PCLO: variants seen among roughly 807,000 people sequenced by gnomAD.
The protein encoded by PCLO is piccolo presynaptic cytomatrix protein.
A neutral mutation model predicts 427.5 loss-of-function variants in PCLO; 82 were observed. That is an observed-to-expected ratio of 0.19 (90% CI 0.16 to 0.23). The LOEUF is 0.23. Ranked by LOEUF, PCLO falls within the 10% of genes least tolerant of loss-of-function variation. The pLI is 1.00. For synonymous variants in PCLO, 2,357 were observed against 2,155.4 expected, an observed-to-expected ratio of 1.09 and a Z score of -2.59; for missense variants, 6,239 against 6,115.9, an observed-to-expected ratio of 1.02 and a Z score of -0.67.
chr7:82,940,684 C>G (rs1398285234), intron 6 of PCLO, among the ~76,000 whole-genome samples: 1 of 106,754 alleles, frequency 9.4e-6, no homozygotes, highest in East Asian at 5.1e-4. Flanking sequence ...ATTAGAAGTA[C>G]TCCTTTTTTT....
chr7:82,973,714 A>G (rs895682485), intron 3 of PCLO, among the ~76,000 whole-genome samples: 2 of 152,056 alleles, frequency 1.3e-5, no homozygotes, highest in Non-Finnish European at 2.9e-5. Flanking sequence ...GCAGATTAAA[A>G]AAAAAAAACT....
chr7:82,994,749 A>C (rs981842843), intron 3 of PCLO, among the ~76,000 whole-genome samples: 6 of 151,980 alleles, frequency 3.9e-5, no homozygotes, highest in Non-Finnish European at 8.8e-5. Flanking sequence ...TTGAGGTGAA[A>C]AATGGATTGG....
At chr7:82,789,137 A>G (rs1455502914) in intron 22 of PCLO, among the ~76,000 whole-genome samples, 1 of 152,134 alleles carries the variant, frequency 6.6e-6, no homozygotes, top group Non-Finnish European at 1.5e-5. Flanking sequence ...CTGTTAATCC[A>G]TGTTCCTAAA....
intron 7 of PCLO, among the ~76,000 whole-genome samples, chr7:82,910,608 T>G (rs1450449474): frequency 1.3e-5 from 2 of 152,114 alleles, no homozygotes; most frequent in Non-Finnish European, 2.9e-5. Flanking sequence ...AGGCATAGCA[T>G]CCAATAAATA....
intron 3 of PCLO, among the ~76,000 whole-genome samples, chr7:83,033,563 G>GAT (rs1392188493): frequency 6.6e-6 from 1 of 151,918 alleles, no homozygotes; most frequent in Non-Finnish European, 1.5e-5. Flanking sequence ...ATCCATCTTA[G>GAT]ATATTCCCTC....
intron 10 of PCLO, among the ~76,000 whole-genome samples, chr7:82,859,749 G>A (rs1792906583): frequency 6.6e-6 from 1 of 152,026 alleles, no homozygotes; most frequent in Admixed American, 6.6e-5. Flanking sequence ...AAACAATCCT[G>A]GAGAAACAAA....
intron 9 of PCLO, among the ~76,000 whole-genome samples, chr7:82,897,811 G>GA: frequency 6.6e-6 from 1 of 150,934 alleles, no homozygotes; most frequent in African/African-American, 2.4e-5. Flanking sequence ...TTTCCTTTTC[G>GA]AAAAAAACAT....
intron 10 of PCLO, among the ~76,000 whole-genome samples, chr7:82,856,406 A>G (rs1029450666): frequency 2.6e-5 from 4 of 152,156 alleles, no homozygotes; most frequent in Non-Finnish European, 2.9e-5. Flanking sequence ...AATCACCGTG[A>G]CCACTAAAAC....
chr7:82,821,095 A>G, intron 20 of PCLO: 1 of 1,075,552 alleles, frequency 9.3e-7, no homozygotes, highest in Non-Finnish European at 1.1e-6. Flanking sequence ...TGCTTTGAAC[A>G]GGGCCTTTCT....
rs149963889 is a variant in PCLO, at chr7:82,921,283, A to AAAAC, written c.11113-4414_11113-4411dup. Among the ~76,000 whole-genome samples the AAAAC allele has an allele frequency of 1.5e-3, 234 of 151,880 alleles. 1 individual carries two copies. Among genetic ancestry groups the AAAAC allele is most frequent in the Middle Eastern group, 3.4e-3 (1 of 294 alleles). On this transcript the variant is annotated intron_variant, in intron 6 of 24. Coordinates refer to ENST00000333891, the MANE Select transcript of PCLO (RefSeq NM_033026.6). ...CAAACAGCTAAAGCAATCCTAAGCA[A>AAAAC]AAACAAACAAACAAACAAACAAACA...
chr7:83,026,854 T>C (rs1788512672), intron 3 of PCLO, among the ~76,000 whole-genome samples: 1 of 147,088 alleles, frequency 6.8e-6, no homozygotes, highest in African/African-American at 2.5e-5. Flanking sequence ...CCTGAATGAC[T>C]ACTGGGTACA....
In PCLO at chr7:82,755,193, AT is replaced by A. The variant is rs1490139539; in HGVS notation, c.*3381del. ...GCTATAATATTCCCACAATATGACT[AT>A]TTAAATGTGTGTGATCCACAAAATT... On this transcript the variant is annotated 3_prime_UTR_variant, in exon 25 of 25. Transcript: ENST00000333891. 6.6e-6 allele frequency: 1 copy of A among 152,142 alleles called. No homozygotes were observed. The highest frequency in any genetic ancestry group is 1.9e-4 in the East Asian group (1 of 5,196). 9.4% of individuals were successfully genotyped at this position (152,142 alleles called of 1,614,324 possible).
intron 2 of PCLO, among the ~76,000 whole-genome samples, chr7:83,147,064 A>T (rs865775853): frequency 8.3e-4 from 124 of 149,012 alleles, no homozygotes; most frequent in Admixed American, 2.4e-3. Context: ...GTATAAAAAA[A>T]AAATAAAAAA....
At chr7:83,059,369 TATATATATATAA>T (rs1789485246) in intron 3 of PCLO, among the ~76,000 whole-genome samples, 1 of 117,854 alleles carries the variant, frequency 8.5e-6, no homozygotes, top group Admixed American at 8.8e-5. Context: ...TATATATATA[TATATATATATAA>T]AAATGAAAAA....
At chr7:83,101,574 T>C (rs1790740554) in intron 3 of PCLO, among the ~76,000 whole-genome samples, 1 of 152,262 alleles carries the variant, frequency 6.6e-6, no homozygotes, top group East Asian at 1.9e-4. Context: ...TATGGTATAG[T>C]GTAAATTACA....
rs1790947286 is a variant in PCLO, at chr7:82,784,772, T to A, written c.15007+16746A>T. Among the ~76,000 whole-genome samples the A allele has an allele frequency of 2.6e-5, 4 of 152,338 alleles. No individual in the cohort carries two copies. The South Asian group carries it at 8.3e-4, about 32-fold the overall frequency. On this transcript the variant is annotated intron_variant, in intron 22 of 24. Coordinates refer to ENST00000333891, the MANE Select transcript of PCLO (RefSeq NM_033026.6). Reference sequence around the variant, plus strand: ...ATCTATTTATTCTGAACTAAAATAATATCATGCTGTGAATCTCATTATTTG... The same window carrying A: ...ATCTATTTATTCTGAACTAAAATAAAATCATGCTGTGAATCTCATTATTTG...
At chr7:83,160,201 T>C (rs1041155443) in intron 1 of PCLO, among the ~76,000 whole-genome samples, 1 of 152,164 alleles carries the variant, frequency 6.6e-6, no homozygotes, top group African/African-American at 2.4e-5. Context: ...TAGGTATTAG[T>C]AGCCTTATTT....
chr7:83,121,928 A>C (rs1791291350), intron 3 of PCLO, among the ~76,000 whole-genome samples: 1 of 152,188 alleles, frequency 6.6e-6, no homozygotes. Context: ...AGTAAACCAA[A>C]TTCCAACAAC....
In PCLO at chr7:82,915,280, G is replaced by A. The variant is rs747928671; in HGVS notation, c.12706C>T (p.Leu4236Phe). The A allele has an allele frequency of 5.0e-6, 8 of 1,613,586 alleles. No homozygotes were observed. Among genetic ancestry groups the A allele is most frequent in the South Asian group, 4.4e-5 (4 of 91,076 alleles). ...SIGGISSRARLLQDDITFGLR... is the reference protein window; with the variant it reads ...SIGGISSRARFLQDDITFGLR... ...CCAAAAGTGATGTCATCTTGAAGGA[G>A]CCTTGCCCTGGAGGAAATGCCACCA... The change falls in exon 7 of 25, where the codon CTC becomes TTC. Residue 4236 changes from leucine (L) to phenylalanine (F), a missense_variant. By Grantham distance (22) the Leu-to-Phe change is conservative (BLOSUM62 0). Around this residue, in one of 5 missense-constraint regions of PCLO, gnomAD observed 680 missense variants for 677.3 expected, o/e 1.00. Transcript: ENST00000333891.
Sources: allele counts gnomAD v4.1 joint callset (sites outside exome capture counted in the v4.1 genomes callset), GRCh38; gene constraint gnomAD v4.1.1; regional missense constraint gnomAD v4.1.1; transcripts MANE v1.5; gene names NCBI Gene and HGNC (gene_info 2026-07-23, HGNC 2026-07-21).